The following UBAC2 variants were observed in gnomAD, a reference collection of about 807,000 sequenced individuals.
UBAC2 encodes the protein UBA domain containing 2.
A neutral mutation model predicts 44.0 loss-of-function variants in UBAC2; 26 were observed. That is an observed-to-expected ratio of 0.59 (90% CI 0.43 to 0.82). The LOEUF (loss-of-function observed/expected upper bound fraction) is 0.82, where lower values mean the gene tolerates loss of function less well. Among genes scored for constraint, UBAC2 ranks in the 40% least tolerant of loss-of-function variants. UBAC2 has a pLI of 0.00. For synonymous variants in UBAC2, 155 were observed against 154.3 expected (o/e 1.00, Z -0.04); for missense variants, 329 against 419.4 (o/e 0.78, Z 1.88).
chr13:99,248,355 C>T (rs1457641708), intron 4 of UBAC2, among the ~76,000 whole-genome samples: 1 of 151,462 alleles, frequency 6.6e-6, no homozygotes, highest in Non-Finnish European at 1.5e-5. Flanking sequence ...TCCTGAGTAG[C>T]TGTGACTATA....
chr13:99,300,697 T>C (rs577574515), intron 4 of UBAC2, among the ~76,000 whole-genome samples: 10 of 152,318 alleles, frequency 6.6e-5, no homozygotes, highest in African/African-American at 2.2e-4. Flanking sequence ...CCTTTTTGTA[T>C]TAGAGGGTCT....
intron 1 of UBAC2, among the ~76,000 whole-genome samples, chr13:99,208,014 T>G (rs2042893593): frequency 9.6e-6 from 1 of 104,460 alleles, no homozygotes; most frequent in South Asian, 3.3e-4. Context: ...TTTTTTTTTT[T>G]GAGGTGGAGT....
Position 99,352,280 on chromosome 13 carries a change from G to A in UBAC2, c.807+11715G>A, listed in dbSNP as rs914098782. The stretch of plus-strand genomic sequence containing the variant: ...AGTATTTTTTAATTGCACAAATACC[G>A]TAATTTGAGAACATTTTTCATCACC... On this transcript the variant is annotated intron_variant, in intron 7 of 8. Coordinates refer to ENST00000403766, the MANE Select transcript of UBAC2 (RefSeq NM_001144072.2). Among the ~76,000 whole-genome samples, 8 of 152,124 alleles carry A rather than the reference G, an allele frequency of 5.3e-5. 1 individual carries two copies. The highest frequency in any genetic ancestry group is 4.1e-4 in the South Asian group (2 of 4,832).
chr13:99,349,657 T>A (rs2045049349), intron 7 of UBAC2, among the ~76,000 whole-genome samples: 1 of 152,200 alleles, frequency 6.6e-6, no homozygotes, highest in African/African-American at 2.4e-5. Flanking sequence ...GCACCATACG[T>A]CAGCGTTTTC....
chr13:99,359,570 A>T (rs571805317), intron 7 of UBAC2, among the ~76,000 whole-genome samples: 62 of 152,282 alleles, frequency 4.1e-4, no homozygotes, highest in South Asian at 1.2e-3. Context: ...CCACTGTGCC[A>T]TGGTCATAGA....
intron 4 of UBAC2, among the ~76,000 whole-genome samples, chr13:99,251,980 T>G (rs1415819411): frequency 6.6e-6 from 1 of 152,172 alleles, no homozygotes; most frequent in East Asian, 1.9e-4. Flanking sequence ...AGGCTGGCCT[T>G]GAACTCCTAA....
intron 7 of UBAC2, among the ~76,000 whole-genome samples, chr13:99,357,098 G>T (rs1253611764): frequency 1.3e-5 from 2 of 152,168 alleles, no homozygotes; most frequent in Admixed American, 1.3e-4. Context: ...ATAAGATTAT[G>T]ATGCCATATT....
At chr13:99,315,566 G>A (rs764227100) in intron 5 of UBAC2, among the ~76,000 whole-genome samples, 1 of 152,098 alleles carries the variant, frequency 6.6e-6, no homozygotes, top group Non-Finnish European at 1.5e-5. Context: ...GTTGAATTTC[G>A]GTTTAATGAC....
intron 4 of UBAC2, among the ~76,000 whole-genome samples, chr13:99,304,962 GA>G (rs1555328159): frequency 6.6e-6 from 1 of 152,224 alleles, no homozygotes; most frequent in Non-Finnish European, 1.5e-5. Flanking sequence ...AGAACTGGGG[GA>G]AGGGAATGGG....
At chr13:99,314,410 G>C (rs991278907) in intron 5 of UBAC2, among the ~76,000 whole-genome samples, 190 bp downstream of exon 5, 4 of 152,018 alleles carry the variant, frequency 2.6e-5, no homozygotes, top group Non-Finnish European at 2.9e-5. Flanking sequence ...GAAGATACTA[G>C]AATACTTTCA....
intron 1 of UBAC2, among the ~76,000 whole-genome samples, chr13:99,204,030 T>C (rs2142633525): frequency 6.6e-6 from 1 of 152,370 alleles, no homozygotes; most frequent in Admixed American, 6.5e-5. Flanking sequence ...ACCAATGCTG[T>C]CACTCAGCTC....
At chr13:99,383,520 G>T (rs555366579) in intron 8 of UBAC2, among the ~76,000 whole-genome samples, 1 of 152,212 alleles carries the variant, frequency 6.6e-6, no homozygotes, top group Non-Finnish European at 1.5e-5. Context: ...ACCTGAGGGC[G>T]CCATAGTGTC....
chr13:99,375,507 G>A (rs1333026306), intron 8 of UBAC2, among the ~76,000 whole-genome samples: 1 of 152,178 alleles, frequency 6.6e-6, no homozygotes, highest in Non-Finnish European at 1.5e-5. Flanking sequence ...CCCAGTGTGA[G>A]CTCAGGATCG....
chr13:99,338,740 G>A (rs757626940), intron 6 of UBAC2, among the ~76,000 whole-genome samples: 5 of 152,170 alleles, frequency 3.3e-5, no homozygotes, highest in Non-Finnish European at 5.9e-5. Context: ...TACCAAAACT[G>A]TTCTTGTAAA....
chr13:99,256,565 A>G (rs748413757), intron 4 of UBAC2: 5 of 152,160 alleles, frequency 3.3e-5, no homozygotes, highest in Non-Finnish European at 7.3e-5. Context: ...TCCTCATTCC[A>G]TCTAGATTCA....
intron 6 of UBAC2, among the ~76,000 whole-genome samples, chr13:99,320,197 G>C (rs1308131341): frequency 6.6e-6 from 1 of 152,086 alleles, no homozygotes; most frequent in Admixed American, 6.5e-5. Flanking sequence ...GACATTCAGT[G>C]CACTAAAATT....
At chr13:99,287,755 G>C (rs979600830) in intron 4 of UBAC2, among the ~76,000 whole-genome samples, 3 of 150,920 alleles carry the variant, frequency 2.0e-5, no homozygotes, top group Non-Finnish European at 2.9e-5. Context: ...AAAGTGCTGG[G>C]ATTATAGGCG....
chr13:99,347,738 C>G (rs1176257237), intron 7 of UBAC2, among the ~76,000 whole-genome samples: 1 of 150,764 alleles, frequency 6.6e-6, no homozygotes, highest in African/African-American at 2.4e-5. Context: ...CATCATTAAG[C>G]ACAGGCATGT....
chr13:99,214,223 G>GTTTT (rs143401786), intron 1 of UBAC2, among the ~76,000 whole-genome samples: 2 of 125,670 alleles, frequency 1.6e-5, no homozygotes, highest in Non-Finnish European at 1.7e-5. Context: ...TCTTTGGTTT[G>GTTTT]TTTTTTTTTT....
Sources: allele counts gnomAD v4.1 joint callset (sites outside exome capture counted in the v4.1 genomes callset), GRCh38; gene constraint gnomAD v4.1.1; transcripts MANE v1.5; gene names NCBI Gene and HGNC (gene_info 2026-07-23, HGNC 2026-07-21).